The following GALNT13 variants were observed in gnomAD, a reference collection of about 807,000 sequenced individuals.
The protein encoded by GALNT13 is polypeptide N-acetylgalactosaminyltransferase 13.
In GALNT13, 28 loss-of-function variants were observed where a neutral mutation model predicts 64.2. The observed-to-expected ratio is 0.44, with a 90% CI of 0.32 to 0.60. The LOEUF is 0.60. GALNT13 is among the 20% of genes least tolerant of loss of function. GALNT13 has a pLI of 0.05. For missense variants in GALNT13, 577 were observed against 669.8 expected, an observed-to-expected ratio of 0.86 and a Z score of 1.53; for synonymous variants, 214 against 224.6, an observed-to-expected ratio of 0.95 and a Z score of 0.42.
At chr2:154,068,227 G>A (rs1205604604) in intron 3 of GALNT13, among the ~76,000 whole-genome samples, 1 of 151,914 alleles carries the variant, frequency 6.6e-6, no homozygotes, top group African/African-American at 2.4e-5. Context: ...TTCTGGGGAG[G>A]ATGAGGACAA....
At chr2:153,660,498 T>A in the GALNT13 span, among the ~76,000 whole-genome samples, 2 of 151,428 alleles carry the variant, frequency 1.3e-5, no homozygotes, top group Non-Finnish European at 2.9e-5. Context: ...ATCTTTTGGT[T>A]GATACAAAAG....
At chr2:154,346,936 G>T (rs1005796832) in intron 9 of GALNT13, among the ~76,000 whole-genome samples, 2 of 151,962 alleles carry the variant, frequency 1.3e-5, no homozygotes, top group Non-Finnish European at 2.9e-5. Flanking sequence ...ACAACCGTGG[G>T]TTTCATGTGT....
chr2:154,349,678 G>C (rs1221433334), intron 9 of GALNT13, among the ~76,000 whole-genome samples: 1 of 152,200 alleles, frequency 6.6e-6, no homozygotes, highest in Non-Finnish European at 1.5e-5. Flanking sequence ...GGTGCAGAGA[G>C]AGAAGCCAGG....
At chr2:153,677,284 T>TACATACACAC in the GALNT13 span, among the ~76,000 whole-genome samples, 95 of 144,762 alleles carry the variant, frequency 6.6e-4, 1 homozygote, top group Middle Eastern at 0.021. Context: ...ACAATAGACA[T>TACATACACAC]ACACACACAC....
At chr2:153,706,448 A>T in the GALNT13 span, among the ~76,000 whole-genome samples, 1 of 152,250 alleles carries the variant, frequency 6.6e-6, no homozygotes, top group Admixed American at 6.5e-5. Context: ...TATCTCAACT[A>T]GAGATTAATG....
At chr2:153,602,105 T>G in the GALNT13 span, among the ~76,000 whole-genome samples, 1 of 151,884 alleles carries the variant, frequency 6.6e-6, no homozygotes, top group South Asian at 2.1e-4. Flanking sequence ...GATTTAAAGA[T>G]CAACAAGCCT....
the GALNT13 span, among the ~76,000 whole-genome samples, chr2:153,650,964 C>A: frequency 6.6e-6 from 1 of 152,088 alleles, no homozygotes; most frequent in African/African-American, 2.4e-5. Flanking sequence ...GAGTTTTTAT[C>A]TGATTGCTGT....
At chr2:153,675,882 T>C in the GALNT13 span, among the ~76,000 whole-genome samples, 1 of 151,992 alleles carries the variant, frequency 6.6e-6, no homozygotes, top group South Asian at 2.1e-4. Flanking sequence ...AGAGGAAAAT[T>C]TATAGTGCTA....
At chr2:153,638,527 A>C in the GALNT13 span, among the ~76,000 whole-genome samples, 2 of 84,924 alleles carry the variant, frequency 2.4e-5, 1 homozygote, top group Non-Finnish European at 5.3e-5. Context: ...AAGTAGGGGG[A>C]TGGAAGAATT....
the GALNT13 span, among the ~76,000 whole-genome samples, chr2:153,803,379 A>G: frequency 4.7e-4 from 71 of 152,252 alleles, no homozygotes; most frequent in Middle Eastern, 0.014. Flanking sequence ...TCATAATCCA[A>G]TAGAATTGGT....
chr2:153,896,155 C>A (rs903579229), intron 1 of GALNT13, among the ~76,000 whole-genome samples: 1 of 148,828 alleles, frequency 6.7e-6, no homozygotes, highest in Non-Finnish European at 1.5e-5. Flanking sequence ...AAGGAAAAAC[C>A]ACTTATATTG....
chr2:154,091,763 G>C (rs555412260), intron 3 of GALNT13, among the ~76,000 whole-genome samples: 2 of 151,882 alleles, frequency 1.3e-5, no homozygotes, highest in Middle Eastern at 3.5e-3. Context: ...TAAAAGTAAT[G>C]GTTAAACTGA....
intron 3 of GALNT13, among the ~76,000 whole-genome samples, chr2:154,131,162 T>C (rs1163625187): frequency 2.6e-5 from 4 of 152,190 alleles, no homozygotes; most frequent in Admixed American, 6.5e-5. Flanking sequence ...AATTTTATTA[T>C]CTTAGTGAAC....
chr2:153,213,115 C>T, the GALNT13 span, among the ~76,000 whole-genome samples: 1 of 152,190 alleles, frequency 6.6e-6, no homozygotes, highest in Non-Finnish European at 1.5e-5. Flanking sequence ...GCCCTATTTG[C>T]AAGCTAACAA....
chr2:154,340,617 GA>G (rs1695707412), intron 9 of GALNT13, among the ~76,000 whole-genome samples: 2 of 151,992 alleles, frequency 1.3e-5, no homozygotes. Flanking sequence ...CATAGCTGAA[GA>G]AAAATCATTA....
the GALNT13 span, among the ~76,000 whole-genome samples, chr2:153,082,732 TTA>T: frequency 4.9e-5 from 7 of 144,308 alleles, no homozygotes; most frequent in African/African-American, 7.6e-5. Flanking sequence ...TTAGGCTGGT[TTA>T]TATATATATT....
At chr2:153,648,510 G>A in the GALNT13 span, among the ~76,000 whole-genome samples, 1 of 152,126 alleles carries the variant, frequency 6.6e-6, no homozygotes, top group African/African-American at 2.4e-5. Context: ...ATGTTGAATA[G>A]GAGTGGTGAG....
chr2:153,711,215 T>G, the GALNT13 span, among the ~76,000 whole-genome samples: 1 of 152,102 alleles, frequency 6.6e-6, no homozygotes, highest in Admixed American at 6.6e-5. Flanking sequence ...TTTATAAAAA[T>G]TGCTATTATA....
the GALNT13 span, among the ~76,000 whole-genome samples, chr2:153,403,908 A>T: frequency 2.2e-4 from 34 of 152,338 alleles, no homozygotes; most frequent in South Asian, 5.6e-3. Flanking sequence ...TCACACTGGT[A>T]GCTGTAGACC....
Sources: gnomAD v4.1 joint callset for allele counts (sites outside exome capture counted in the v4.1 genomes callset) on GRCh38, gnomAD v4.1.1 for gene constraint, MANE v1.5 for transcripts, NCBI Gene and HGNC (gene_info 2026-07-23, HGNC 2026-07-21) for gene names.